Variants in PIWIL3 observed in about 807,000 individuals in gnomAD.
PIWIL3 encodes piwi like RNA-mediated gene silencing 3.
PIWIL3 carries 101 observed loss-of-function variants against 109.7 expected under a neutral mutation model. The observed-to-expected ratio is 0.92, with a 90% confidence interval of 0.78 to 1.09. The LOEUF is 1.09. Among genes scored for constraint, PIWIL3 ranks in the 50% least tolerant of loss-of-function variants. The pLI is 0.00. For missense variants in PIWIL3, 1,031 were observed against 1,072.6 expected (o/e 0.96, Z 0.54); for synonymous variants, 373 against 376.4 (o/e 0.99, Z 0.10).
chr22:24,768,499 G>A (rs771815089), intron 1 of PIWIL3, among the ~76,000 whole-genome samples: 4 of 152,066 alleles, frequency 2.6e-5, no homozygotes, highest in Non-Finnish European at 5.9e-5. Context: ...TGATCCACCC[G>A]CCTCAGCATC....
intron 1 of PIWIL3, among the ~76,000 whole-genome samples, chr22:24,765,350 A>G (rs1006882411): frequency 2.6e-5 from 4 of 152,206 alleles, no homozygotes; most frequent in African/African-American, 9.7e-5. Context: ...AAACCAGCGC[A>G]TCTGCTACAG....
At chr22:24,758,741 TGACA>T (rs1026593697) in intron 3 of PIWIL3, among the ~76,000 whole-genome samples, 33 of 152,238 alleles carry the variant, frequency 2.2e-4, no homozygotes, top group African/African-American at 8.0e-4. Flanking sequence ...TCCATTTCTG[TGACA>T]GACTAACTAC....
chr22:24,749,624 T>C (rs1221973588), intron 10 of PIWIL3, 69 bp downstream of exon 10: 4 of 1,611,676 alleles, frequency 2.5e-6, no homozygotes, highest in Non-Finnish European at 3.4e-6. Context: ...ACCCTTCGAA[T>C]TCCCTGAAAA....
At chr22:24,722,523 G>C (rs1922732982) in intron 19 of PIWIL3, among the ~76,000 whole-genome samples, 1 of 150,764 alleles carries the variant, frequency 6.6e-6, no homozygotes, top group Non-Finnish European at 1.5e-5. Context: ...GACCAGCCTG[G>C]CCAACACGGT....
chr22:24,741,011 C>A (rs1182737847), intron 12 of PIWIL3, among the ~76,000 whole-genome samples: 1 of 147,168 alleles, frequency 6.8e-6, no homozygotes, highest in African/African-American at 2.7e-5. Context: ...AAATTCTCAA[C>A]AAAATACTAG....
At chr22:24,755,658 T>C (rs1924981104) in intron 6 of PIWIL3, 126 bp downstream of exon 6, 2 of 1,244,038 alleles carry the variant, frequency 1.6e-6, no homozygotes, top group African/African-American at 3.0e-5. Flanking sequence ...TCCAAGACCC[T>C]TCACTCTCTT....
At chr22:24,722,980 T>C in intron 19 of PIWIL3, 150 bp downstream of exon 19, 1 of 839,598 alleles carries the variant, frequency 1.2e-6, no homozygotes. Flanking sequence ...AAATGAGGAA[T>C]CTCTGCCCAA....
chr22:24,757,456 C>T (rs980658730), intron 4 of PIWIL3, among the ~76,000 whole-genome samples: 2 of 152,030 alleles, frequency 1.3e-5, no homozygotes, highest in Non-Finnish European at 2.9e-5. Context: ...ACAGTGATGA[C>T]AGAAGCTTTC....
chr22:24,735,066 T>A (rs923129958), intron 13 of PIWIL3, among the ~76,000 whole-genome samples: 1 of 151,798 alleles, frequency 6.6e-6, no homozygotes, highest in Non-Finnish European at 1.5e-5. Context: ...AAAAAATAAA[T>A]AAATTAGTGG....
intron 12 of PIWIL3, among the ~76,000 whole-genome samples, chr22:24,744,605 T>C (rs942346911): frequency 6.6e-6 from 1 of 151,802 alleles, no homozygotes; most frequent in Non-Finnish European, 1.5e-5. Context: ...GGAATAGCTA[T>C]ACTTAGACAA....
At chr22:24,767,926 G>C (rs1366688241) in intron 1 of PIWIL3, among the ~76,000 whole-genome samples, 1 of 152,150 alleles carries the variant, frequency 6.6e-6, no homozygotes, top group Admixed American at 6.6e-5. Flanking sequence ...CCCCTCACCT[G>C]GGTTCATCCC....
intron 14 of PIWIL3, among the ~76,000 whole-genome samples, chr22:24,732,079 G>A (rs1273598075): frequency 6.6e-6 from 1 of 152,164 alleles, no homozygotes; most frequent in Non-Finnish European, 1.5e-5. Context: ...GTGAATGCCT[G>A]GTCATGTCAT....
rs773277095 is a variant in PIWIL3 at position 24,719,393 on chromosome 22, A to G, written c.*79T>C. ...TTTAATGCTATGGACCTAGGAAAAT[A>G]TTTCAGACATCCTGCTTCAAAAGGA... is the stretch of plus-strand genomic sequence containing the variant. On this transcript the variant is annotated 3_prime_UTR_variant, in exon 21 of 21. Coordinates refer to ENST00000616349, the MANE Select transcript of PIWIL3 (RefSeq NM_001255975.1). 7.0e-6 allele frequency: 8 copies of G among 1,142,570 alleles called. No homozygotes were observed. Among genetic ancestry groups the G allele is most frequent in the African/African-American group, 1.6e-5 (1 of 64,006 alleles). 70.8% of individuals were successfully genotyped at this position (1,142,570 alleles called of 1,614,324 possible).
chr22:24,728,310 G>C lies in PIWIL3; in HGVS notation c.1772C>G (p.Thr591Ser). The change falls in exon 15 of 21, where the codon ACC (threonine) becomes AGC (serine). Residue 591 changes from threonine (T) to serine (S), a missense_variant. Transcript: ENST00000616349. ...ACACTGGCTTGGAATTGGGCATTTGGTACATAGGTATCTTTTTATGCTGTC... is the reference window on the plus strand; with the variant it reads ...ACACTGGCTTGGAATTGGGCATTTGCTACATAGGTATCTTTTTATGCTGTC... ...RYDSIKRYLC[T>S]KCPIPSQCVV... The C allele has an allele frequency of 6.2e-7, 1 of 1,614,100 alleles. No individual in the cohort carries two copies. Among genetic ancestry groups the C allele is most frequent in the Non-Finnish European group, 8.5e-7 (1 of 1,180,020 alleles).
At chr22:24,750,824 T>A (rs986474226) in intron 9 of PIWIL3, among the ~76,000 whole-genome samples, 1 of 147,504 alleles carries the variant, frequency 6.8e-6, no homozygotes, top group Admixed American at 6.7e-5. Flanking sequence ...CAACCACATT[T>A]AAAAAACTAT....
At chr22:24,739,323 A>C (rs1180227919) in intron 12 of PIWIL3, among the ~76,000 whole-genome samples, 1 of 152,210 alleles carries the variant, frequency 6.6e-6, no homozygotes, top group Non-Finnish European at 1.5e-5. Context: ...CCAAACCTAA[A>C]GAAATATATC....
At chr22:24,745,647 A>G (rs980872867) in intron 12 of PIWIL3, among the ~76,000 whole-genome samples, 2 of 151,988 alleles carry the variant, frequency 1.3e-5, no homozygotes, top group African/African-American at 4.8e-5. Flanking sequence ...TGAAGAAAAT[A>G]TAAAAGATCA....
rs562986976 is a variant in PIWIL3 at position 24,764,076 on chromosome 22, C to T, written c.-22-1555G>A. Among the ~76,000 whole-genome samples the T allele has an allele frequency of 1.2e-4, 18 of 152,324 alleles. No homozygotes were observed. The South Asian group carries it at 3.3e-3, about 28-fold the overall frequency. ...GTCACCAAAATGGCCCGGGGAAATA[C>T]ACGGACCAGCCCAGCCTCCCGCAAG... On this transcript the variant is annotated intron_variant, in intron 1 of 20. Coordinates refer to ENST00000616349, the MANE Select transcript of PIWIL3 (RefSeq NM_001255975.1).
chr22:24,762,623 AG>A, intron 1 of PIWIL3, 102 bp from the exon 2 acceptor site: 1 of 1,011,618 alleles, frequency 9.9e-7, no homozygotes, highest in Non-Finnish European at 1.4e-6. Flanking sequence ...TAATTTATAA[AG>A]GAAGAGGTGT....
Sources: gnomAD v4.1 joint callset for allele counts (sites outside exome capture counted in the v4.1 genomes callset) on GRCh38, gnomAD v4.1.1 for gene constraint, MANE v1.5 for transcripts, NCBI Gene and HGNC (gene_info 2026-07-23, HGNC 2026-07-21) for gene names.